The following CHST9 variants were observed in gnomAD, a reference collection of about 807,000 sequenced individuals.
CHST9 encodes carbohydrate sulfotransferase 9.
In CHST9, 41 loss-of-function variants were observed where a neutral mutation model predicts 44.4. That is an observed-to-expected ratio of 0.92 (90% confidence interval 0.72 to 1.20). The LOEUF is 1.20. CHST9 is among the 50% of genes most tolerant of loss of function. The pLI is 0.00. For missense variants in CHST9, 504 were observed against 516.5 expected (o/e 0.98, Z 0.23); for synonymous variants, 171 against 178.4 (o/e 0.96, Z 0.33).
intron 2 of CHST9, among the ~76,000 whole-genome samples, chr18:27,121,819 A>T (rs2058376911): frequency 6.6e-6 from 1 of 152,210 alleles, no homozygotes; most frequent in South Asian, 2.1e-4. Flanking sequence ...CGATACTGAG[A>T]ACGTCTCTCA....
chr18:27,023,018 A>G (rs775570285), intron 4 of CHST9, among the ~76,000 whole-genome samples: 3 of 152,114 alleles, frequency 2.0e-5, no homozygotes, highest in Non-Finnish European at 2.9e-5. Context: ...TACTATTCCA[A>G]TTTTTCAATA....
intron 2 of CHST9, among the ~76,000 whole-genome samples, chr18:27,121,263 C>T (rs2058372112): frequency 6.6e-6 from 1 of 152,144 alleles, no homozygotes; most frequent in Non-Finnish European, 1.5e-5. Flanking sequence ...CCTCATCCTT[C>T]AAAAGTGTTG....
chr18:27,100,116 G>C (rs2058156773), intron 2 of CHST9, among the ~76,000 whole-genome samples: 2 of 152,042 alleles, frequency 1.3e-5, no homozygotes, highest in Non-Finnish European at 1.5e-5. Context: ...AGTAACACGA[G>C]TGCAGCTGGA....
rs892526270 is a variant in CHST9, at chr18:26,914,938, G to A, written c.*1321C>T. ...GGTAAAAGTCGACCAATTAAAGTAGGTTTCCCATCCAAATGTTTCCCATCC... is the reference window on the plus strand; with the variant it reads ...GGTAAAAGTCGACCAATTAAAGTAGATTTCCCATCCAAATGTTTCCCATCC... On this transcript the variant is annotated 3_prime_UTR_variant, in exon 6 of 6. Transcript: ENST00000618847. The A allele has an allele frequency of 7.6e-6, 3 of 397,150 alleles. No individual in the cohort carries two copies. The highest frequency in any genetic ancestry group is 1.3e-5 in the Non-Finnish European group (3 of 225,592). 24.6% of individuals were successfully genotyped at this position (397,150 alleles called of 1,614,324 possible). A position where few individuals can be genotyped will look rare whatever the true frequency, so the allele number is the denominator to read the frequency against.
At chr18:27,097,441 G>A (rs555513835) in intron 2 of CHST9, among the ~76,000 whole-genome samples, 1 of 152,048 alleles carries the variant, frequency 6.6e-6, no homozygotes, top group South Asian at 2.1e-4. Context: ...AATAGGAAAA[G>A]AAGAAATCCA....
rs548636592 is a variant in CHST9 at position 26,907,336 on chromosome 18, A to G, written c.*8923T>C. Reference sequence around the variant, plus strand: ...GATGGTGTTGCCACCAAATAAGGAGAAAGCAGGTTTGGGGGTTAGGTGATG... The same window carrying G: ...GATGGTGTTGCCACCAAATAAGGAGGAAGCAGGTTTGGGGGTTAGGTGATG... On this transcript the variant is annotated 3_prime_UTR_variant, in exon 6 of 6. Coordinates refer to ENST00000618847, the MANE Select transcript of CHST9 (RefSeq NM_031422.6). 7.2e-5 allele frequency: 11 copies of G among 152,578 alleles called. No homozygotes were observed. In the South Asian group the frequency reaches 1.9e-3, roughly 26 times the overall value. 9.5% of individuals were successfully genotyped at this position (152,578 alleles called of 1,614,324 possible). A position where few individuals can be genotyped will look rare whatever the true frequency, so the allele number is the denominator to read the frequency against.
chr18:27,077,891 G>A (rs1428015404), intron 2 of CHST9, among the ~76,000 whole-genome samples: 4 of 152,078 alleles, frequency 2.6e-5, no homozygotes, highest in African/African-American at 7.2e-5. Context: ...TCTGTTTTTG[G>A]GGAGGCCTCA....
intron 2 of CHST9, among the ~76,000 whole-genome samples, chr18:27,109,572 C>A (rs2058252078): frequency 6.6e-6 from 1 of 152,154 alleles, no homozygotes; most frequent in Non-Finnish European, 1.5e-5. Flanking sequence ...ATTGTTCAGT[C>A]CCAATGTAGC....
intron 5 of CHST9, among the ~76,000 whole-genome samples, chr18:26,927,690 C>T (rs1417286742): frequency 6.6e-6 from 1 of 151,316 alleles, no homozygotes; most frequent in African/African-American, 2.4e-5. Context: ...TGGAATATAC[C>T]ATAGGGTTTT....
intron 1 of CHST9, among the ~76,000 whole-genome samples, chr18:27,147,469 C>T (rs937800905): frequency 6.6e-6 from 1 of 152,108 alleles, no homozygotes; most frequent in Admixed American, 6.5e-5. Context: ...GAGTCGGGGG[C>T]TTGCTGTTCC....
chr18:27,166,368 C>CT (rs2058790597), intron 1 of CHST9, among the ~76,000 whole-genome samples: 1 of 152,184 alleles, frequency 6.6e-6, no homozygotes, highest in African/African-American at 2.4e-5. Context: ...TCAAACTCTA[C>CT]TCTCCAGCAA....
At position 27,142,705 on chromosome 18, in the gene CHST9, A is replaced by C. The variant is rs1287492392; in HGVS notation, c.105T>G (p.Ile35Met). Residue 35 changes from isoleucine to methionine, a missense_variant, in exon 2 of 6, where the codon ATT becomes ATG. By Grantham distance (10) the Ile-to-Met change is conservative. Transcript: ENST00000618847. Reference protein sequence around the residue: ...LLLFMYLQVWIEEQHTGRVEK... With the variant: ...LLLFMYLQVWMEEQHTGRVEK... ...ATGTGTTACCTGTATGTTGTTCTTC[A>C]ATCCAGACTTGCAAATACATGAAGA... The C allele has an allele frequency of 5.6e-6, 9 of 1,606,658 alleles. No homozygotes were observed. The highest frequency in any genetic ancestry group is 7.6e-6 in the Non-Finnish European group (9 of 1,177,122).
rs11480705 is a variant in CHST9 at position 26,998,739 on chromosome 18, C to CAAA, written c.202+25374_202+25376dup. On this transcript the variant is annotated intron_variant, in intron 4 of 5. Transcript: ENST00000618847. ...TCAAAACAAAACAAAACAACAACAA[C>CAAA]AAAAAAAAAAAAAAAAGAAAGAAAG... Among the ~76,000 whole-genome samples, 150 of 114,022 alleles carry CAAA rather than the reference C, an allele frequency of 1.3e-3. 1 individual carries two copies. Among genetic ancestry groups the CAAA allele is most frequent in the Non-Finnish European group, 1.6e-3 (85 of 53,376 alleles). The allele number at this position is 114,022 out of a possible 152,430, so 74.8% of individuals were successfully genotyped here. A position where few individuals can be genotyped will look rare whatever the true frequency, so the allele number is the denominator to read the frequency against.
At chr18:27,157,502 C>A (rs1015679903) in intron 1 of CHST9, among the ~76,000 whole-genome samples, 1 of 152,112 alleles carries the variant, frequency 6.6e-6, no homozygotes, top group African/African-American at 2.4e-5. Flanking sequence ...TAGCCTGCAA[C>A]CATTTAATAG....
chr18:27,117,475 C>T (rs1206454753), intron 2 of CHST9, among the ~76,000 whole-genome samples: 2 of 152,142 alleles, frequency 1.3e-5, no homozygotes, highest in Admixed American at 1.3e-4. Context: ...TGTATAACAA[C>T]ATATATCTAT....
chr18:26,970,023 C>G (rs780049965), intron 4 of CHST9, among the ~76,000 whole-genome samples: 1 of 152,142 alleles, frequency 6.6e-6, no homozygotes, highest in Admixed American at 6.5e-5. Flanking sequence ...ATTGGTAGGT[C>G]CAGAGCACCT....
chr18:27,049,429 G>A (rs1178451130), intron 2 of CHST9, among the ~76,000 whole-genome samples: 1 of 152,116 alleles, frequency 6.6e-6, no homozygotes, highest in East Asian at 1.9e-4. Context: ...ATGGGGACAA[G>A]GAGCTTGTAA....
intron 4 of CHST9, among the ~76,000 whole-genome samples, chr18:26,959,494 A>T (rs936557324): frequency 2.0e-5 from 3 of 152,266 alleles, no homozygotes; most frequent in African/African-American, 7.2e-5. Flanking sequence ...TATTAAAAAC[A>T]GAAAGAAAGG....
At chr18:26,965,467 C>G (rs2056452362) in intron 4 of CHST9, among the ~76,000 whole-genome samples, 1 of 152,214 alleles carries the variant, frequency 6.6e-6, no homozygotes, top group Non-Finnish European at 1.5e-5. Context: ...AGCAGGCCAT[C>G]TGGCTTGCCC....
Sources: gnomAD v4.1 joint callset for allele counts (sites outside exome capture counted in the v4.1 genomes callset) on GRCh38, gnomAD v4.1.1 for gene constraint, MANE v1.5 for transcripts, NCBI Gene and HGNC (gene_info 2026-07-23, HGNC 2026-07-21) for gene names.